EPC2: variants seen among roughly 807,000 people sequenced by gnomAD.
EPC2 encodes the protein enhancer of polycomb homolog 2.
Under a neutral mutation model 92.1 loss-of-function variants are expected in EPC2, and 14 were observed. That is an observed-to-expected ratio of 0.15 (90% CI 0.10 to 0.24). The LOEUF (loss-of-function observed/expected upper bound fraction) is 0.24, where lower values mean the gene tolerates loss of function less well. Among genes scored for constraint, EPC2 ranks in the 10% least tolerant of loss-of-function variants. EPC2 has a pLI of 1.00. For synonymous variants in EPC2, 340 were observed against 334.7 expected (o/e 1.02, Z -0.17); for missense variants, 755 against 971.5 (o/e 0.78, Z 2.96).
intron 1 of EPC2, among the ~76,000 whole-genome samples, chr2:148,681,628 A>T (rs969062962): frequency 1.2e-4 from 18 of 151,976 alleles, no homozygotes; most frequent in Non-Finnish European, 4.4e-5. Context: ...CTTTTCCGTA[A>T]AAAAAAATTG....
intron 2 of EPC2, among the ~76,000 whole-genome samples, chr2:148,740,228 C>CT (rs923664493): frequency 4.5e-3 from 625 of 140,320 alleles, no homozygotes; most frequent in African/African-American, 0.011. Flanking sequence ...AGTATGTCCT[C>CT]TTTTTTTTTT....
chr2:148,774,434 C>T (rs572362612), intron 10 of EPC2, among the ~76,000 whole-genome samples: 1 of 151,304 alleles, frequency 6.6e-6, no homozygotes, highest in African/African-American at 2.4e-5. Flanking sequence ...CGAGACCAGC[C>T]TGGGCAACAT....
At chr2:148,784,136 C>T (rs1055446679) in intron 12 of EPC2, among the ~76,000 whole-genome samples, 22 of 152,218 alleles carry the variant, frequency 1.4e-4, no homozygotes, top group African/African-American at 5.3e-4. Context: ...ATTTGCCTTC[C>T]CACTCTTACA....
intron 1 of EPC2, among the ~76,000 whole-genome samples, chr2:148,669,840 C>A (rs1038287798): frequency 6.6e-6 from 1 of 152,106 alleles, no homozygotes; most frequent in Non-Finnish European, 1.5e-5. Flanking sequence ...TTGCTGAGTA[C>A]TCTATCCAAT....
chr2:148,708,662 C>T (rs1191859281), intron 2 of EPC2, among the ~76,000 whole-genome samples: 1 of 152,228 alleles, frequency 6.6e-6, no homozygotes, highest in Non-Finnish European at 1.5e-5. Flanking sequence ...AAGTTGGCTT[C>T]ATCCCTGGGA....
intron 1 of EPC2, among the ~76,000 whole-genome samples, chr2:148,656,003 G>GTGTT (rs35027363): frequency 0.043 from 2,951 of 68,262 alleles, 331 homozygotes; most frequent in African/African-American, 0.079. Context: ...GCTGTTAGCT[G>GTGTT]TGTGTGTGTG....
intron 7 of EPC2, among the ~76,000 whole-genome samples, chr2:148,766,581 A>G (rs1268562139): frequency 1.3e-5 from 2 of 152,206 alleles, no homozygotes; most frequent in East Asian, 1.9e-4. Flanking sequence ...ATAGTGCCCT[A>G]CAAAAGAGTA....
chr2:148,713,517 A>T (rs1292232652), intron 2 of EPC2, among the ~76,000 whole-genome samples: 1 of 152,194 alleles, frequency 6.6e-6, no homozygotes, highest in Non-Finnish European at 1.5e-5. Context: ...AGAGAAAAAA[A>T]ATTTTTTTTA....
At chr2:148,683,033 T>A (rs1292240696) in intron 1 of EPC2, among the ~76,000 whole-genome samples, 1 of 152,186 alleles carries the variant, frequency 6.6e-6, no homozygotes, top group Non-Finnish European at 1.5e-5. Flanking sequence ...GAATTAACAC[T>A]GCTTTTTTTT....
chr2:148,775,773 T>C, intron 10 of EPC2, among the ~76,000 whole-genome samples: 1 of 101,538 alleles, frequency 9.8e-6, no homozygotes, highest in Admixed American at 1.0e-4. Flanking sequence ...CCAATTTCTT[T>C]TCTTTTTTTT....
chr2:148,681,821 T>C (rs186620358), intron 1 of EPC2, among the ~76,000 whole-genome samples: 152 of 152,306 alleles, frequency 1.0e-3, no homozygotes, highest in African/African-American at 3.6e-3. Context: ...GCTGCACCTA[T>C]TAACTCGTCA....
At chr2:148,749,681 G>A (rs1359005019) in intron 3 of EPC2, among the ~76,000 whole-genome samples, 1 of 151,930 alleles carries the variant, frequency 6.6e-6, no homozygotes, top group East Asian at 1.9e-4. Flanking sequence ...AAATGGATAT[G>A]TTCTTTACTA....
intron 1 of EPC2, among the ~76,000 whole-genome samples, chr2:148,678,093 C>T (rs926394266): frequency 3.3e-5 from 5 of 152,126 alleles, no homozygotes; most frequent in East Asian, 1.9e-4. Context: ...TTTGACAGGG[C>T]GCTGATTGGC....
Position 148,764,944 on chromosome 2 carries a change from C to A in EPC2, c.949-11C>A. Reference sequence around the variant, plus strand: ...TTCTTCCTTTTGGGGGAAAAATCGTCATGTAAACAGCACCCTCATCATTTG... The same window carrying A: ...TTCTTCCTTTTGGGGGAAAAATCGTAATGTAAACAGCACCCTCATCATTTG... On this transcript the variant is annotated splice_polypyrimidine_tract_variant and intron_variant, in intron 6 of 13. Coordinates refer to ENST00000258484, the MANE Select transcript of EPC2 (RefSeq NM_015630.4). 1 of 1,455,898 alleles carries A rather than the reference C, an allele frequency of 6.9e-7. No homozygotes were observed. The highest frequency in any genetic ancestry group is 1.6e-5 in the South Asian group (1 of 62,202). 90.2% of individuals were successfully genotyped at this position (1,455,898 alleles called of 1,614,324 possible). A position where few individuals can be genotyped will look rare whatever the true frequency, so the allele number is the denominator to read the frequency against.
chr2:148,645,486 G>GT (rs1683779265), intron 1 of EPC2: 1 of 321,636 alleles, frequency 3.1e-6, no homozygotes, highest in African/African-American at 2.2e-5. Context: ...TACGGTCTCT[G>GT]TTTACCTTTC....
At position 148,786,468 on chromosome 2, in the gene EPC2, G is replaced by A. The variant is rs1683870361; in HGVS notation, c.*91G>A. ...AAGGCAACACTCTGTGGATCACAGAGTGTAACAATGGACCTAAATGGACTA... is the reference window on the plus strand; with the variant it reads ...AAGGCAACACTCTGTGGATCACAGAATGTAACAATGGACCTAAATGGACTA... On this transcript the variant is annotated 3_prime_UTR_variant, in exon 14 of 14. Transcript: ENST00000258484. The A allele has an allele frequency of 2.0e-6, 2 of 989,358 alleles. No individual in the cohort carries two copies. Among genetic ancestry groups the A allele is most frequent in the Non-Finnish European group, 3.1e-6 (2 of 640,068 alleles). 61.3% of individuals were successfully genotyped at this position (989,358 alleles called of 1,614,324 possible). A position where few individuals can be genotyped will look rare whatever the true frequency, so the allele number is the denominator to read the frequency against.
intron 7 of EPC2, among the ~76,000 whole-genome samples, chr2:148,767,257 T>C (rs906004350): frequency 1.3e-5 from 2 of 151,786 alleles, no homozygotes; most frequent in Non-Finnish European, 2.9e-5. Flanking sequence ...GAAACTTTTA[T>C]CGGTGGAATC....
chr2:148,733,837 G>A (rs1281030641), intron 2 of EPC2, among the ~76,000 whole-genome samples: 2 of 152,036 alleles, frequency 1.3e-5, no homozygotes, highest in Admixed American at 6.6e-5. Flanking sequence ...GTAAAAATCT[G>A]TTTGTTCATT....
chr2:148,647,364 A>G (rs887498804), intron 1 of EPC2, among the ~76,000 whole-genome samples: 8 of 151,878 alleles, frequency 5.3e-5, no homozygotes, highest in Non-Finnish European at 7.4e-5. Flanking sequence ...CTTGATTGCA[A>G]TGGCGCGATC....
Sources: allele counts gnomAD v4.1 joint callset (sites outside exome capture counted in the v4.1 genomes callset), GRCh38; gene constraint gnomAD v4.1.1; transcripts MANE v1.5; gene names NCBI Gene and HGNC (gene_info 2026-07-23, HGNC 2026-07-21).